ANKH: variants seen among roughly 807,000 people sequenced by gnomAD.
The protein encoded by ANKH is mineralization regulator ANKH.
ANKH carries 15 observed loss-of-function variants against 49.0 expected under a neutral mutation model. The observed-to-expected ratio is 0.31, with a 90% confidence interval of 0.20 to 0.47. ANKH has a LOEUF of 0.47. ANKH is among the 20% of genes least tolerant of loss of function. The pLI is 1.00. For missense variants in ANKH, 429 were observed against 652.0 expected (o/e 0.66, Z 3.72); for synonymous variants, 273 against 260.0 (o/e 1.05, Z -0.48).
At chr5:14,747,853 C>T (rs972637081) in intron 6 of ANKH, among the ~76,000 whole-genome samples, 1 of 152,110 alleles carries the variant, frequency 6.6e-6, no homozygotes, top group Non-Finnish European at 1.5e-5. Flanking sequence ...TTCACCTCAT[C>T]GCTCCCCAGC....
At chr5:14,758,443 AG>A in intron 3 of ANKH, 36 bp downstream of exon 3, 1 of 1,501,490 alleles carries the variant, frequency 6.7e-7, no homozygotes, top group African/African-American at 1.4e-5. Context: ...CACCAGTTAA[AG>A]AAAAAGAAAG....
chr5:14,715,120 C>T (rs1330576164), intron 9 of ANKH, among the ~76,000 whole-genome samples: 2 of 152,232 alleles, frequency 1.3e-5, no homozygotes, highest in African/African-American at 4.8e-5. Flanking sequence ...CCTGGGGCTC[C>T]ATGGCTCCTT....
chr5:14,791,983 T>A (rs541004078), intron 1 of ANKH, among the ~76,000 whole-genome samples: 5 of 152,198 alleles, frequency 3.3e-5, no homozygotes, highest in Admixed American at 1.3e-4. Flanking sequence ...GATGAGAATA[T>A]GGAACAGGCA....
At chr5:14,736,905 T>C (rs1482140638) in intron 8 of ANKH, among the ~76,000 whole-genome samples, 1 of 152,230 alleles carries the variant, frequency 6.6e-6, no homozygotes, top group Non-Finnish European at 1.5e-5. Flanking sequence ...CTTCTCTATG[T>C]CTCCTGAAGC....
At chr5:14,849,738 G>A (rs1742073171) in intron 1 of ANKH, among the ~76,000 whole-genome samples, 1 of 152,220 alleles carries the variant, frequency 6.6e-6, no homozygotes, top group Admixed American at 6.5e-5. Context: ...AACCATAGCT[G>A]TGCCGGACGA....
At chr5:14,763,788 C>T (rs1435093506) in intron 2 of ANKH, among the ~76,000 whole-genome samples, 1 of 152,152 alleles carries the variant, frequency 6.6e-6, no homozygotes, top group Non-Finnish European at 1.5e-5. Flanking sequence ...TCCATAACCC[C>T]CAAAAGAAGT....
chr5:14,750,977 A>T, intron 5 of ANKH, 92 bp downstream of exon 5: 1 of 1,513,152 alleles, frequency 6.6e-7, no homozygotes, highest in Non-Finnish European at 9.1e-7. Flanking sequence ...TCATGTTTTG[A>T]TGTCACTGAT....
intron 1 of ANKH, among the ~76,000 whole-genome samples, chr5:14,844,040 G>C (rs1741889859): frequency 6.6e-6 from 1 of 152,218 alleles, no homozygotes; most frequent in South Asian, 2.1e-4. Flanking sequence ...TTGACCTGGA[G>C]TCAAGTTCCC....
chr5:14,796,451 G>C (rs1168953811), intron 1 of ANKH, among the ~76,000 whole-genome samples: 4 of 66,520 alleles, frequency 6.0e-5, no homozygotes. Context: ...GCGGTCCCAA[G>C]TTAAAAAAAA....
At chr5:14,775,950 C>G (rs1021208943) in intron 1 of ANKH, among the ~76,000 whole-genome samples, 17 of 152,140 alleles carry the variant, frequency 1.1e-4, no homozygotes, top group African/African-American at 4.1e-4. Context: ...AGACAAGGTG[C>G]GGCTTGGCCG....
At chr5:14,820,130 G>C (rs576751445) in intron 1 of ANKH, among the ~76,000 whole-genome samples, 2 of 152,208 alleles carry the variant, frequency 1.3e-5, no homozygotes, top group Admixed American at 1.3e-4. Flanking sequence ...TTGTACTTTG[G>C]TTGTAAGCAT....
At chr5:14,776,805 A>G (rs886515309) in intron 1 of ANKH, among the ~76,000 whole-genome samples, 1 of 152,232 alleles carries the variant, frequency 6.6e-6, no homozygotes, top group African/African-American at 2.4e-5. Context: ...CTAAACATTC[A>G]TGGGGTTTTC....
chr5:14,868,176 G>A (rs955749701), intron 1 of ANKH, among the ~76,000 whole-genome samples: 17 of 152,206 alleles, frequency 1.1e-4, no homozygotes, highest in Non-Finnish European at 1.6e-4. Context: ...ACATGGTCAC[G>A]TATGTGCAGC....
At chr5:14,716,978 C>T (rs1737491497) in intron 8 of ANKH, 143 bp from the exon 9 acceptor site, 4 of 981,710 alleles carry the variant, frequency 4.1e-6, no homozygotes, top group Non-Finnish European at 4.6e-6. Context: ...GGTCCCAGAT[C>T]TGCCACCTGC....
rs1297315819 is a variant in ANKH, at chr5:14,750,436, C to T, written c.687+633G>A. On this transcript the variant is annotated intron_variant, in intron 5 of 11. Coordinates refer to ENST00000284268, the MANE Select transcript of ANKH (RefSeq NM_054027.6). ...GCATCTTACACTACATCACTATGTTCCTTCTCCCAGTGTTCGTGGCTCCTA... is the reference window on the plus strand; with the variant it reads ...GCATCTTACACTACATCACTATGTTTCTTCTCCCAGTGTTCGTGGCTCCTA... 3.9e-5 allele frequency among the ~76,000 whole-genome samples: 6 copies of T among 152,210 alleles called. 1 individual carries two copies. The highest frequency in any genetic ancestry group is 3.3e-4 in the Admixed American group (5 of 15,280).
At chr5:14,856,848 C>T (rs1462971138) in intron 1 of ANKH, among the ~76,000 whole-genome samples, 1 of 152,130 alleles carries the variant, frequency 6.6e-6, no homozygotes, top group African/African-American at 2.4e-5. Context: ...AAGCTATTCA[C>T]CTATTCATCT....
chr5:14,750,944 T>C, intron 5 of ANKH, 125 bp downstream of exon 5: 2 of 1,197,048 alleles, frequency 1.7e-6, no homozygotes, highest in Admixed American at 3.8e-5. Flanking sequence ...ACTTGGCCTC[T>C]GGGTATGACA....
Position 14,705,607 on chromosome 5 carries a change from C to T in ANKH, c.*5590G>A, listed in dbSNP as rs1736916860. 6.6e-6 allele frequency: 1 copy of T among 152,418 alleles called. No homozygotes were observed. Among genetic ancestry groups the T allele is most frequent in the Admixed American group, 6.5e-5 (1 of 15,286 alleles). The allele number at this position is 152,418 out of a possible 1,614,324, so 9.4% of individuals were successfully genotyped here. Reference sequence around the variant, plus strand: ...CCCTTTGATTAACTCCTTGGCCCTACTAGCTTTAGACAGTTCCCTGATCAG... The same window carrying T: ...CCCTTTGATTAACTCCTTGGCCCTATTAGCTTTAGACAGTTCCCTGATCAG... On this transcript the variant is annotated 3_prime_UTR_variant, in exon 12 of 12. Transcript: ENST00000284268.
chr5:14,748,622 T>C (rs557505653), intron 6 of ANKH, among the ~76,000 whole-genome samples: 1 of 152,342 alleles, frequency 6.6e-6, no homozygotes, highest in South Asian at 2.1e-4. Flanking sequence ...GAGCTCCCCA[T>C]CTGAGGTGGG....
Sources: allele counts gnomAD v4.1 joint callset (sites outside exome capture counted in the v4.1 genomes callset), GRCh38; gene constraint gnomAD v4.1.1; transcripts MANE v1.5; gene names NCBI Gene and HGNC (gene_info 2026-07-23, HGNC 2026-07-21).